RREB1: variants seen among roughly 807,000 people sequenced by gnomAD.
RREB1 encodes the protein ras responsive element binding protein 1, also known as ras-responsive element-binding protein 1.
In RREB1, 27 loss-of-function variants were observed where a neutral mutation model predicts 117.8. That is an observed-to-expected ratio of 0.23 (90% CI 0.17 to 0.32). RREB1 has a LOEUF of 0.32. Among genes scored for constraint, RREB1 ranks in the 10% least tolerant of loss-of-function variants. RREB1 has a pLI of 1.00. For synonymous variants in RREB1, 1,298 were observed against 1,026.7 expected (o/e 1.26, Z -5.05); for missense variants, 2,577 against 2,378.2 (o/e 1.08, Z -1.74).
intron 1 of RREB1, among the ~76,000 whole-genome samples, chr6:7,108,917 G>T (rs1476160912): frequency 6.6e-6 from 1 of 151,722 alleles, no homozygotes; most frequent in African/African-American, 2.4e-5. Context: ...TGGGGAGGAG[G>T]GGACCGGGCC....
intron 1 of RREB1, among the ~76,000 whole-genome samples, chr6:7,135,660 A>G (rs1287848833): frequency 2.6e-5 from 4 of 152,210 alleles, no homozygotes; most frequent in Non-Finnish European, 5.9e-5. Flanking sequence ...AAAGCATCTT[A>G]GTATTCTACC....
intron 6 of RREB1, among the ~76,000 whole-genome samples, chr6:7,207,217 T>C (rs1766326227): frequency 1.3e-5 from 2 of 152,320 alleles, no homozygotes; most frequent in South Asian, 4.1e-4. Flanking sequence ...GTTCAGTTAT[T>C]AGACCTTAAG....
intron 1 of RREB1, among the ~76,000 whole-genome samples, chr6:7,135,170 A>G (rs747945686): frequency 6.6e-6 from 1 of 152,242 alleles, no homozygotes; most frequent in South Asian, 2.1e-4. Flanking sequence ...AGAAAAAGAT[A>G]TACTTCACAC....
At chr6:7,200,240 GTA>G (rs758018886) in intron 6 of RREB1, among the ~76,000 whole-genome samples, 152 of 129,594 alleles carry the variant, frequency 1.2e-3, no homozygotes, top group African/African-American at 2.5e-3. Context: ...ATGTATGTGT[GTA>G]TATGTGTGTG....
chr6:7,223,180 C>A (rs1561789889), intron 8 of RREB1, among the ~76,000 whole-genome samples: 1 of 150,766 alleles, frequency 6.6e-6, no homozygotes, highest in African/African-American at 2.5e-5. Context: ...TCACTTGCGC[C>A]CAGGAGTTCA....
At chr6:7,122,111 C>T (rs1363711130) in intron 1 of RREB1, among the ~76,000 whole-genome samples, 1 of 152,190 alleles carries the variant, frequency 6.6e-6, no homozygotes, top group Non-Finnish European at 1.5e-5. Context: ...TCTCTAATAT[C>T]ATCCGAATAA....
intron 1 of RREB1, among the ~76,000 whole-genome samples, chr6:7,142,589 G>T (rs1020770686): frequency 1.1e-3 from 165 of 152,354 alleles, no homozygotes; most frequent in African/African-American, 3.8e-3. Flanking sequence ...GACAGTTCGT[G>T]GGGTCAGGCT....
At chr6:7,211,338 AGATGGATGGATG>A (rs555086914) in intron 7 of RREB1, among the ~76,000 whole-genome samples, 2,628 of 118,622 alleles carry the variant, frequency 0.022, 87 homozygotes, top group African/African-American at 0.079. Flanking sequence ...ATGGATGGAC[AGATGGATGGATG>A]GATGGATGGA....
chr6:7,166,123 C>T (rs74640935), intron 1 of RREB1, among the ~76,000 whole-genome samples: 6,891 of 152,176 alleles, frequency 0.045, 175 homozygotes, highest in Middle Eastern at 0.065. Context: ...AGCCTGTGTG[C>T]CTCACACTTC....
chr6:7,248,937 A>T lies in RREB1; in HGVS notation c.5198A>T (p.Asp1733Val), dbSNP rs1260781280. The T allele has an allele frequency of 1.3e-6, 2 of 1,507,890 alleles. No homozygotes were observed. Among genetic ancestry groups the T allele is most frequent in the Non-Finnish European group, 1.8e-6 (2 of 1,130,490 alleles). The allele number at this position is 1,507,890 out of a possible 1,614,324, so 93.4% of individuals were successfully genotyped here. ...RPAHPILATA[D>V]GASQLVGME ...GCCCACCCAATCCTGGCCACAGCTG[A>T]TGGCGCCTCCCAGCTCGTGGGGATG... Residue 1733 changes from aspartate (D) to valine (V), a missense_variant, in exon 13 of 13, where the codon GAT becomes GTT. Transcript: ENST00000379938.
chr6:7,175,088 TAAAATATGA>T (rs1561761255), intron 1 of RREB1, among the ~76,000 whole-genome samples: 1 of 152,164 alleles, frequency 6.6e-6, no homozygotes, highest in African/African-American at 2.4e-5. Flanking sequence ...TGTTATTAAT[TAAAATATGA>T]AAAAAGAATA....
chr6:7,175,568 G>A (rs945132337), intron 1 of RREB1, among the ~76,000 whole-genome samples: 1 of 152,208 alleles, frequency 6.6e-6, no homozygotes, highest in African/African-American at 2.4e-5. Context: ...TGTTGTCCGT[G>A]TGGGGTTTAT....
At chr6:7,115,261 G>A (rs896934946) in intron 1 of RREB1, among the ~76,000 whole-genome samples, 1 of 152,022 alleles carries the variant, frequency 6.6e-6, no homozygotes, top group African/African-American at 2.4e-5. Flanking sequence ...TTTATGTTAA[G>A]GGACCCCAGG....
At chr6:7,114,235 C>T (rs1334901472) in intron 1 of RREB1, among the ~76,000 whole-genome samples, 1 of 152,178 alleles carries the variant, frequency 6.6e-6, no homozygotes, top group Non-Finnish European at 1.5e-5. Context: ...GATTCTCCTG[C>T]CTCAGTCTCC....
At chr6:7,129,853 C>T (rs890255199) in intron 1 of RREB1, among the ~76,000 whole-genome samples, 8 of 152,128 alleles carry the variant, frequency 5.3e-5, no homozygotes, top group Non-Finnish European at 1.2e-4. Context: ...TGCTTGTTTA[C>T]GGAACTGATT....
At chr6:7,117,737 A>C (rs1761478030) in intron 1 of RREB1, among the ~76,000 whole-genome samples, 1 of 151,818 alleles carries the variant, frequency 6.6e-6, no homozygotes, top group Non-Finnish European at 1.5e-5. Flanking sequence ...ATGAATTTTT[A>C]TTTTTTATTT....
intron 8 of RREB1, chr6:7,219,024 G>GA (rs1767075569): frequency 7.1e-6 from 1 of 141,302 alleles, no homozygotes; most frequent in Non-Finnish European, 1.5e-5. Flanking sequence ...GAAGCAAGGG[G>GA]ATCGCTTGAG....
chr6:7,122,845 A>G (rs1012719886), intron 1 of RREB1, among the ~76,000 whole-genome samples: 3 of 152,174 alleles, frequency 2.0e-5, no homozygotes, highest in African/African-American at 7.2e-5. Context: ...TTGCCTTGTC[A>G]TGAATATCCA....
chr6:7,243,220 A>G (rs1239654560), intron 11 of RREB1, among the ~76,000 whole-genome samples: 1 of 152,242 alleles, frequency 6.6e-6, no homozygotes. Flanking sequence ...GCCAGGTCAG[A>G]TAATTACTTA....
Sources: gnomAD v4.1 joint callset for allele counts (sites outside exome capture counted in the v4.1 genomes callset) on GRCh38, gnomAD v4.1.1 for gene constraint, MANE v1.5 for transcripts, NCBI Gene and HGNC (gene_info 2026-07-23, HGNC 2026-07-21) for gene names.